The following PAK5 variants were observed in gnomAD, a reference collection of about 807,000 sequenced individuals.
The protein encoded by PAK5 is p21 (RAC1) activated kinase 5.
PAK5 carries 16 observed loss-of-function variants against 65.9 expected under a neutral mutation model. That is an observed-to-expected ratio of 0.24 (90% CI 0.16 to 0.37). The LOEUF is 0.37. PAK5 is among the 10% of genes least tolerant of loss of function. The probability of loss-of-function intolerance (pLI) is 1.00; values close to 1 mark genes in which losing one functional copy is unlikely to be tolerated. For synonymous variants in PAK5, 371 were observed against 354.9 expected, an observed-to-expected ratio of 1.05 and a Z score of -0.51; for missense variants, 785 against 903.9, an observed-to-expected ratio of 0.87 and a Z score of 1.69.
At chr20:9,619,286 T>C (rs1043287372) in intron 3 of PAK5, among the ~76,000 whole-genome samples, 3 of 152,134 alleles carry the variant, frequency 2.0e-5, no homozygotes, top group African/African-American at 7.2e-5. Context: ...CAAAGAAAGT[T>C]TGGAAGAAAA....
intron 1 of PAK5, among the ~76,000 whole-genome samples, chr20:9,792,639 C>A (rs2049061860): frequency 6.6e-6 from 1 of 152,098 alleles, no homozygotes; most frequent in Non-Finnish European, 1.5e-5. Context: ...TATCTAACAA[C>A]AGACTCCAAA....
At chr20:9,756,611 G>A (rs1341189738) in intron 1 of PAK5, among the ~76,000 whole-genome samples, 5 of 152,222 alleles carry the variant, frequency 3.3e-5, no homozygotes, top group African/African-American at 7.2e-5. Flanking sequence ...CACTTTTTAC[G>A]TTATCTACAT....
At chr20:9,696,456 T>G (rs998860640) in intron 2 of PAK5, among the ~76,000 whole-genome samples, 2 of 152,122 alleles carry the variant, frequency 1.3e-5, no homozygotes, top group African/African-American at 4.8e-5. Flanking sequence ...TATACTGTCT[T>G]GTCTGAAGCA....
chr20:9,743,410 C>A (rs573904568), intron 1 of PAK5, among the ~76,000 whole-genome samples: 1 of 148,358 alleles, frequency 6.7e-6, no homozygotes, highest in African/African-American at 2.6e-5. Context: ...ACAAACGAAA[C>A]AAAACAAAAC....
chr20:9,643,349 T>C (rs2123273220), intron 3 of PAK5, among the ~76,000 whole-genome samples: 1 of 152,336 alleles, frequency 6.6e-6, no homozygotes, highest in East Asian at 1.9e-4. Flanking sequence ...AGAAGAAAAC[T>C]GCAATCCCTG....
intron 2 of PAK5, among the ~76,000 whole-genome samples, chr20:9,648,314 C>T (rs536889154): frequency 6.6e-6 from 1 of 152,160 alleles, no homozygotes; most frequent in Non-Finnish European, 1.5e-5. Flanking sequence ...TTAATTCCCC[C>T]AGGACTGATT....
intron 1 of PAK5, among the ~76,000 whole-genome samples, chr20:9,754,684 G>C (rs550725112): frequency 3.3e-5 from 5 of 152,254 alleles, no homozygotes; most frequent in African/African-American, 1.2e-4. Flanking sequence ...AGGCAAGAAG[G>C]GGTTTTGTTT....
chr20:9,686,038 T>G (rs2047714263), intron 2 of PAK5, among the ~76,000 whole-genome samples: 1 of 152,210 alleles, frequency 6.6e-6, no homozygotes, highest in African/African-American at 2.4e-5. Context: ...ATAATTTTCT[T>G]AATGGGTCTC....
rs76353244 is a variant in PAK5 at position 9,833,717 on chromosome 20, A to G, written c.-162+5045T>C. On this transcript the variant is annotated intron_variant, in intron 1 of 9. Coordinates refer to ENST00000353224, the MANE Select transcript of PAK5 (RefSeq NM_177990.4). ...GTTCTCCCAAATCCCAATGTAATAA[A>G]ACTATATAATTGATCTGGGAAAAAT... Among the ~76,000 whole-genome samples the G allele has an allele frequency of 7.6e-3, 1,162 of 152,310 alleles. 14 individuals are homozygous for G. Among genetic ancestry groups the G allele is most frequent in the African/African-American group, 0.025 (1,053 of 41,568 alleles).
intron 4 of PAK5, among the ~76,000 whole-genome samples, chr20:9,568,499 TCTC>T (rs1234640523): frequency 2.0e-5 from 3 of 152,156 alleles, no homozygotes; most frequent in Non-Finnish European, 2.9e-5. Flanking sequence ...TCCAAATTGC[TCTC>T]AATGACCTGT....
chr20:9,793,175 T>A (rs1387365739), intron 1 of PAK5, among the ~76,000 whole-genome samples: 1 of 152,160 alleles, frequency 6.6e-6, no homozygotes, highest in Non-Finnish European at 1.5e-5. Flanking sequence ...ATCCATTTAT[T>A]CACCCATCAT....
At chr20:9,636,194 C>T (rs1331930674) in intron 3 of PAK5, among the ~76,000 whole-genome samples, 1 of 151,986 alleles carries the variant, frequency 6.6e-6, no homozygotes, top group African/African-American at 2.4e-5. Flanking sequence ...AAGAGAGAAT[C>T]CCATGGAAAT....
intron 4 of PAK5, among the ~76,000 whole-genome samples, chr20:9,572,746 G>A (rs1027738638): frequency 5.3e-5 from 8 of 152,212 alleles, no homozygotes; most frequent in South Asian, 2.1e-4. Context: ...GCAAGGGCAC[G>A]GAGTGCAGAG....
Position 9,829,740 on chromosome 20 carries a change from T to C in PAK5, c.-162+9022A>G, listed in dbSNP as rs565087110. Among the ~76,000 whole-genome samples, 14 of 152,278 alleles carry C rather than the reference T, an allele frequency of 9.2e-5. No homozygotes were observed. The South Asian group carries it at 2.9e-3, about 32-fold the overall frequency. ...GTTACAGATCTCAATATTTAAATACTATAAATCAAGCTAAAAAAATGTTAA... is the reference window on the plus strand; with the variant it reads ...GTTACAGATCTCAATATTTAAATACCATAAATCAAGCTAAAAAAATGTTAA... On this transcript the variant is annotated intron_variant, in intron 1 of 9. Coordinates refer to ENST00000353224, the MANE Select transcript of PAK5 (RefSeq NM_177990.4).
Position 9,580,808 on chromosome 20 carries a change from A to C in PAK5, c.327T>G (p.Asp109Glu). 5.6e-6 allele frequency: 9 copies of C among 1,613,876 alleles called. No individual in the cohort carries two copies. Among genetic ancestry groups the C allele is most frequent in the Non-Finnish European group, 5.9e-6 (7 of 1,179,958 alleles). Residue 109 changes from aspartate (D) to glutamate (E), a missense_variant, in exon 4 of 10, where the codon GAT (aspartate) becomes GAG (glutamate). Physicochemically the swap from Asp to Glu is conservative, Grantham distance 45. Around this residue, in one of 4 missense-constraint regions of PAK5, gnomAD observed 422 missense variants for 413.3 expected, o/e 1.02. Transcript: ENST00000353224. Reference sequence around the variant, plus strand: ...CTGGACCGTGGCTGGAGGCTCCCTGATCTGGGGTGGGTGGGCTTTCTTTCC... The same window carrying C: ...CTGGACCGTGGCTGGAGGCTCCCTGCTCTGGGGTGGGTGGGCTTTCTTTCC... ...SLRKESPPTP[D>E]QGASSHGPGH...
chr20:9,594,698 C>T (rs946216860), intron 3 of PAK5, among the ~76,000 whole-genome samples: 3 of 152,216 alleles, frequency 2.0e-5, no homozygotes, highest in Non-Finnish European at 4.4e-5. Flanking sequence ...CCATACTTTC[C>T]TATAAAAGCA....
At chr20:9,818,393 C>T (rs2049382534) in intron 1 of PAK5, among the ~76,000 whole-genome samples, 1 of 152,192 alleles carries the variant, frequency 6.6e-6, no homozygotes, top group Admixed American at 6.5e-5. Flanking sequence ...ATCTCTGTCC[C>T]TCACTGTGAA....
At chr20:9,578,548 A>G (rs1353456730) in intron 4 of PAK5, among the ~76,000 whole-genome samples, 1 of 152,170 alleles carries the variant, frequency 6.6e-6, no homozygotes, top group Non-Finnish European at 1.5e-5. Context: ...CCCTAACACA[A>G]ATATGCAAAT....
intron 2 of PAK5, among the ~76,000 whole-genome samples, chr20:9,670,909 C>T (rs1043779589): frequency 6.6e-6 from 1 of 152,136 alleles, no homozygotes; most frequent in Middle Eastern, 3.2e-3. Flanking sequence ...GGTATTAGGT[C>T]TAACATGTAA....
Sources: gnomAD v4.1 joint callset for allele counts (sites outside exome capture counted in the v4.1 genomes callset) on GRCh38, gnomAD v4.1.1 for gene constraint, gnomAD v4.1.1 regional missense constraint, MANE v1.5 for transcripts, NCBI Gene and HGNC (gene_info 2026-07-23, HGNC 2026-07-21) for gene names.